Variants in NPFFR2 observed in about 807,000 individuals in gnomAD.
NPFFR2 encodes the protein neuropeptide FF receptor 2.
A neutral mutation model predicts 13.1 loss-of-function variants in NPFFR2; 15 were observed. The ratio of observed to expected loss-of-function variants is 1.15; its 90% CI spans 0.77 to 1.76. The LOEUF (loss-of-function observed/expected upper bound fraction) is 1.76, where lower values mean the gene tolerates loss of function less well. Ranked by LOEUF, NPFFR2 falls within the 40% of genes most tolerant of loss-of-function variation. NPFFR2 has a pLI of 0.00. For synonymous variants in NPFFR2, 190 were observed against 175.7 expected, an observed-to-expected ratio of 1.08 and a Z score of -0.65; for missense variants, 572 against 503.5, an observed-to-expected ratio of 1.14 and a Z score of -1.30.
chr4:72,101,213 G>T (rs1056208165), intron 1 of NPFFR2, among the ~76,000 whole-genome samples: 28 of 151,938 alleles, frequency 1.8e-4, no homozygotes, highest in African/African-American at 6.5e-4. Context: ...ATTTACTGAG[G>T]TAATTCACAT....
At chr4:72,134,588 T>C (rs149897068) in intron 2 of NPFFR2, among the ~76,000 whole-genome samples, 2,787 of 152,300 alleles carry the variant, frequency 0.018, 39 homozygotes, top group Middle Eastern at 0.031. Flanking sequence ...TGGAAAGTGC[T>C]GTATCAATTT....
chr4:72,078,936 G>A (rs1472184755), intron 1 of NPFFR2, among the ~76,000 whole-genome samples: 1 of 151,964 alleles, frequency 6.6e-6, no homozygotes, highest in Non-Finnish European at 1.5e-5. Flanking sequence ...GAAGTTGGAG[G>A]GTGGGAGGTG....
chr4:72,088,575 G>A (rs7659205), intron 1 of NPFFR2, among the ~76,000 whole-genome samples: 146,217 of 152,022 alleles, frequency 0.96, 70,577 homozygotes, highest in East Asian at 1. Flanking sequence ...TATAAAGAAA[G>A]GAGGCTTAAC....
chr4:72,137,957 T>C, intron 2 of NPFFR2, 83 bp from the exon 3 acceptor site: 1 of 1,022,720 alleles, frequency 9.8e-7, no homozygotes, highest in Non-Finnish European at 1.5e-6. Flanking sequence ...TACATTAGTC[T>C]CGTTTCCACA....
intron 1 of NPFFR2, among the ~76,000 whole-genome samples, chr4:72,071,722 A>G (rs990446791): frequency 6.6e-6 from 1 of 152,102 alleles, no homozygotes; most frequent in Non-Finnish European, 1.5e-5. Context: ...TCCTTTATAT[A>G]CTGGGGATCT....
chr4:72,097,245 G>T (rs1222433199), intron 1 of NPFFR2, among the ~76,000 whole-genome samples: 1 of 151,900 alleles, frequency 6.6e-6, no homozygotes, highest in African/African-American at 2.4e-5. Context: ...CGTTTTTGTG[G>T]CTATAATATA....
intron 1 of NPFFR2, among the ~76,000 whole-genome samples, chr4:72,062,968 G>C (rs1445078168): frequency 6.6e-6 from 1 of 151,986 alleles, no homozygotes; most frequent in Non-Finnish European, 1.5e-5. Flanking sequence ...AAAAAACACT[G>C]TACGTCTTGA....
intron 2 of NPFFR2, among the ~76,000 whole-genome samples, chr4:72,132,145 T>C (rs990504774): frequency 6.6e-5 from 10 of 151,640 alleles, no homozygotes; most frequent in African/African-American, 7.3e-5. Flanking sequence ...TTTTTTTTCC[T>C]GAGTCTCTTC....
chr4:72,142,851 A>T (rs987591186), intron 3 of NPFFR2, among the ~76,000 whole-genome samples: 2 of 152,236 alleles, frequency 1.3e-5, no homozygotes, highest in African/African-American at 4.8e-5. Flanking sequence ...CTGGGTTGGT[A>T]ACATCTAAAA....
At chr4:72,047,804 A>C (rs994350152) in intron 1 of NPFFR2, among the ~76,000 whole-genome samples, 6 of 152,120 alleles carry the variant, frequency 3.9e-5, no homozygotes, top group African/African-American at 1.4e-4. Context: ...CCTTCTTTCC[A>C]CTCATCTGAA....
chr4:72,144,355 T>C (rs1002368431), intron 3 of NPFFR2, among the ~76,000 whole-genome samples: 2 of 152,212 alleles, frequency 1.3e-5, no homozygotes, highest in Non-Finnish European at 2.9e-5. Flanking sequence ...GGTATCATTT[T>C]TGTTGCATTC....
chr4:72,141,740 A>T (rs1722633405), intron 3 of NPFFR2, among the ~76,000 whole-genome samples: 1 of 152,082 alleles, frequency 6.6e-6, no homozygotes, highest in Non-Finnish European at 1.5e-5. Context: ...TATGCTGTTG[A>T]TTTGGGGTGG....
Position 72,148,055 on chromosome 4 carries a change from AAC to A in NPFFR2, c.*245_*246del. On this transcript the variant is annotated 3_prime_UTR_variant, in exon 4 of 4. Transcript: ENST00000308744. ...TGCATGAATAAATATATTTCTAGAG[AAC>A]AGTTTACAAAGCCTCATCTTTCCAA... 1 of 384,852 alleles carries A rather than the reference AAC, an allele frequency of 2.6e-6. No homozygotes were observed. Among genetic ancestry groups the A allele is most frequent in the Non-Finnish European group, 4.6e-6 (1 of 216,854 alleles). The allele number at this position is 384,852 out of a possible 1,614,324, so 23.8% of individuals were successfully genotyped here.
rs140198339 is a variant in NPFFR2, at chr4:72,081,955, T to A, written c.-7-46630T>A. Among the ~76,000 whole-genome samples, 3 of 152,262 alleles carry A rather than the reference T, an allele frequency of 2.0e-5. No individual in the cohort carries two copies. In the East Asian group the frequency reaches 5.8e-4, roughly 29 times the overall value. On this transcript the variant is annotated intron_variant, in intron 1 of 3. Coordinates refer to ENST00000308744, the MANE Select transcript of NPFFR2 (RefSeq NM_004885.3). ...CAGTTTTTCCATCCCACTACCATATTCTTACACATTTTATAGGCAAGACAC... is the reference window on the plus strand; with the variant it reads ...CAGTTTTTCCATCCCACTACCATATACTTACACATTTTATAGGCAAGACAC...
intron 1 of NPFFR2, among the ~76,000 whole-genome samples, chr4:72,083,745 A>G (rs1720693304): frequency 6.6e-6 from 1 of 152,054 alleles, no homozygotes. Flanking sequence ...TCCCAAATTG[A>G]TCTCATTATC....
chr4:72,053,631 A>T (rs1719656221), intron 1 of NPFFR2, among the ~76,000 whole-genome samples: 1 of 151,924 alleles, frequency 6.6e-6, no homozygotes, highest in Non-Finnish European at 1.5e-5. Context: ...TTATTTGTAA[A>T]TTGACTTTAT....
chr4:72,070,574 G>GT (rs1375276375), intron 1 of NPFFR2, among the ~76,000 whole-genome samples: 6 of 2,610 alleles, frequency 2.3e-3, no homozygotes, highest in Non-Finnish European at 8.3e-3. Flanking sequence ...GGGGGGGGGT[G>GT]GGGCTCTGGT....
At chr4:72,111,022 G>A (rs940288202) in intron 1 of NPFFR2, among the ~76,000 whole-genome samples, 1 of 151,942 alleles carries the variant, frequency 6.6e-6, no homozygotes, top group African/African-American at 2.4e-5. Flanking sequence ...GATTCTGTAA[G>A]CGATAATTTT....
At chr4:72,076,070 T>TG (rs1340031078) in intron 1 of NPFFR2, among the ~76,000 whole-genome samples, 1 of 150,198 alleles carries the variant, frequency 6.7e-6, no homozygotes, top group Non-Finnish European at 1.5e-5. Flanking sequence ...TTTCTATACT[T>TG]GGGAAATAAC....
Sources: allele counts gnomAD v4.1 joint callset (sites outside exome capture counted in the v4.1 genomes callset), GRCh38; gene constraint gnomAD v4.1.1; transcripts MANE v1.5; gene names NCBI Gene and HGNC (gene_info 2026-07-23, HGNC 2026-07-21).